The following CSMD3 variants were observed in gnomAD, a reference collection of about 807,000 sequenced individuals.
CSMD3 encodes the protein CUB and Sushi multiple domains 3.
In CSMD3, 177 loss-of-function variants were observed where a neutral mutation model predicts 435.2. That is an observed-to-expected ratio of 0.41 (90% CI 0.36 to 0.46). CSMD3 has a LOEUF of 0.46. Among genes scored for constraint, CSMD3 ranks in the 20% least tolerant of loss-of-function variants. The pLI, the probability that CSMD3 is intolerant of heterozygous loss-of-function variation, is 0.34. For missense variants in CSMD3, 4,265 were observed against 4,504.6 expected (o/e 0.95, Z 1.52); for synonymous variants, 1,656 against 1,520.5 (o/e 1.09, Z -2.07).
intron 38 of CSMD3, among the ~76,000 whole-genome samples, chr8:112,367,762 A>C (rs553977664): frequency 1.6e-4 from 25 of 152,232 alleles, no homozygotes; most frequent in Non-Finnish European, 3.4e-4. Context: ...TAAAATTCAA[A>C]ACTTTTGTTA....
chr8:112,330,826 A>T (rs963256872), intron 45 of CSMD3, among the ~76,000 whole-genome samples: 1 of 152,092 alleles, frequency 6.6e-6, no homozygotes, highest in Non-Finnish European at 1.5e-5. Flanking sequence ...AGATAATACC[A>T]GCTTAGAACA....
At chr8:113,134,377 T>C (rs1041431051) in intron 4 of CSMD3, among the ~76,000 whole-genome samples, 3 of 152,068 alleles carry the variant, frequency 2.0e-5, no homozygotes, top group South Asian at 2.1e-4. Context: ...ATGTTCTATA[T>C]GTATTAGACA....
Position 112,929,940 on chromosome 8 carries a change from T to A in CSMD3, c.1509-8189A>T, listed in dbSNP as rs141095200. 5.6e-3 allele frequency among the ~76,000 whole-genome samples: 849 copies of A among 152,238 alleles called. 11 individuals are homozygous for A. The highest frequency in any genetic ancestry group is 0.02 in the African/African-American group (819 of 41,574). ...GCTTTCAAATAGTATTAAATGAAGA[T>A]CTATGTTTGGGATCATTTTTGTTGG... On this transcript the variant is annotated intron_variant, in intron 9 of 70. Coordinates refer to ENST00000297405, the MANE Select transcript of CSMD3 (RefSeq NM_198123.2).
chr8:113,150,593 T>C (rs578033348), intron 4 of CSMD3, among the ~76,000 whole-genome samples: 1 of 152,092 alleles, frequency 6.6e-6, no homozygotes, highest in East Asian at 1.9e-4. Flanking sequence ...CTACAGACAC[T>C]ATGAGATAAT....
intron 29 of CSMD3, among the ~76,000 whole-genome samples, chr8:112,504,357 T>G (rs1057119105): frequency 6.6e-6 from 1 of 152,124 alleles, no homozygotes; most frequent in Non-Finnish European, 1.5e-5. Flanking sequence ...TTACTTTATG[T>G]GGAGGATAAT....
At chr8:112,426,217 T>C (rs1052093883) in intron 32 of CSMD3, among the ~76,000 whole-genome samples, 11 of 152,180 alleles carry the variant, frequency 7.2e-5, no homozygotes, top group African/African-American at 2.2e-4. Context: ...TAAAATTCCA[T>C]TGGTGAATTT....
intron 63 of CSMD3, 129 bp downstream of exon 63, chr8:112,254,124 C>T: frequency 1.3e-6 from 1 of 778,334 alleles, no homozygotes; most frequent in Non-Finnish European, 2.3e-6. Context: ...CTGTCTGTTA[C>T]CCTTTTTATG....
At chr8:112,407,289 A>T (rs1018690905) in intron 34 of CSMD3, among the ~76,000 whole-genome samples, 6 of 152,212 alleles carry the variant, frequency 3.9e-5, no homozygotes, top group Non-Finnish European at 7.4e-5. Context: ...GATTAACAAC[A>T]ATAAAAGTTT....
chr8:112,337,559 T>C lies in CSMD3; in HGVS notation c.6825A>G (p.Pro2275=), dbSNP rs1824697505. The C allele has an allele frequency of 6.2e-7, 1 of 1,613,282 alleles. No individual in the cohort carries two copies. The highest frequency in any genetic ancestry group is 8.5e-7 in the Non-Finnish European group (1 of 1,179,280). Residue 2275 remains proline (P), a synonymous_variant, in exon 43 of 71, where the codon CCA becomes CCG. Coordinates refer to ENST00000297405, the MANE Select transcript of CSMD3 (RefSeq NM_198123.2). ...LHGVSRNWNH[P]LPRCEALCGG... ...GAAGCATACCTTCACACCTTGGAAG[T>C]GGATGATTCCAATTACGACTGACTC...
Position 113,363,293 on chromosome 8 carries a change from T to TACACATGATAAA in CSMD3, c.179-48501_179-48500insTTTATCATGTGT, listed in dbSNP as rs78166302. On this transcript the variant is annotated intron_variant, in intron 1 of 70. Transcript: ENST00000297405. ...ATAGTTAATTGCTTACACGCGTGTT[T>TACACATGATAAA]GTATATTTCAAAGTCCTTTATCAGA... Among the ~76,000 whole-genome samples the TACACATGATAAA allele has an allele frequency of 9.2e-5, 14 of 152,122 alleles. No homozygotes were observed. In the South Asian group the frequency reaches 2.7e-3, roughly 29 times the overall value.
At chr8:113,112,194 C>A (rs1239969350) in intron 4 of CSMD3, among the ~76,000 whole-genome samples, 2 of 151,262 alleles carry the variant, frequency 1.3e-5, no homozygotes, top group African/African-American at 2.4e-5. Flanking sequence ...ATAGTTTATA[C>A]CATTTTATTG....
intron 30 of CSMD3, among the ~76,000 whole-genome samples, chr8:112,499,163 T>C (rs888160060): frequency 2.6e-5 from 4 of 151,944 alleles, no homozygotes; most frequent in African/African-American, 9.7e-5. Context: ...GTGGAAGATT[T>C]TGAAATTAGG....
At chr8:113,305,233 G>A (rs201621661) in intron 2 of CSMD3, among the ~76,000 whole-genome samples, 45 of 149,268 alleles carry the variant, frequency 3.0e-4, no homozygotes, top group East Asian at 2.4e-3. Context: ...GCGCACCAGC[G>A]TGGCACATGT....
At chr8:112,784,746 C>G (rs1249671254) in intron 13 of CSMD3, among the ~76,000 whole-genome samples, 2 of 151,948 alleles carry the variant, frequency 1.3e-5, no homozygotes, top group Admixed American at 1.3e-4. Context: ...ACACCAATAA[C>G]AAGTAATGAG....
intron 3 of CSMD3, among the ~76,000 whole-genome samples, chr8:113,241,355 C>T (rs1032634253): frequency 6.6e-6 from 1 of 151,922 alleles, no homozygotes; most frequent in Non-Finnish European, 1.5e-5. Context: ...GAGATTCATA[C>T]CTGATACATA....
intron 22 of CSMD3, among the ~76,000 whole-genome samples, chr8:112,613,173 C>T (rs1337920580): frequency 6.6e-6 from 1 of 152,032 alleles, no homozygotes. Flanking sequence ...AAGGTTGTCA[C>T]CTAAAGGTGT....
intron 5 of CSMD3, among the ~76,000 whole-genome samples, chr8:113,081,186 G>A (rs1019815536): frequency 6.6e-6 from 1 of 152,108 alleles, no homozygotes; most frequent in Non-Finnish European, 1.5e-5. Context: ...CACAAATTGG[G>A]TGGCTTTAAA....
intron 3 of CSMD3, among the ~76,000 whole-genome samples, chr8:113,174,158 G>A (rs2092313186): frequency 1.3e-5 from 2 of 152,028 alleles, no homozygotes; most frequent in Admixed American, 6.6e-5. Context: ...ATATTACTTA[G>A]TCTTCAGAGC....
chr8:112,949,638 T>C (rs747024317), intron 8 of CSMD3, among the ~76,000 whole-genome samples: 3 of 152,082 alleles, frequency 2.0e-5, no homozygotes, highest in Non-Finnish European at 2.9e-5. Flanking sequence ...TTCAACCTAA[T>C]CACTTTGATG....
Sources: gnomAD v4.1 joint callset for allele counts (sites outside exome capture counted in the v4.1 genomes callset) on GRCh38, gnomAD v4.1.1 for gene constraint, MANE v1.5 for transcripts, NCBI Gene and HGNC (gene_info 2026-07-23, HGNC 2026-07-21) for gene names.